ZIM2: variants seen among roughly 807,000 people sequenced by gnomAD.
The protein encoded by ZIM2 is zinc finger imprinted 2, also known as zinc finger protein 656.
A neutral mutation model predicts 38.6 loss-of-function variants in ZIM2; 14 were observed. That is an observed-to-expected ratio of 0.36 (90% CI 0.24 to 0.57). The LOEUF is 0.57. Among genes scored for constraint, ZIM2 ranks in the 20% least tolerant of loss-of-function variants. ZIM2 has a pLI of 0.81. For missense variants in ZIM2, 680 were observed against 695.1 expected, an observed-to-expected ratio of 0.98 and a Z score of 0.24; for synonymous variants, 247 against 245.8, an observed-to-expected ratio of 1.00 and a Z score of -0.04.
intron 9 of ZIM2, chr19:56,793,148 CCTT>C: frequency 6.5e-6 from 1 of 152,770 alleles, no homozygotes; most frequent in Admixed American, 6.5e-5. Context: ...ATCATCTGCT[CCTT>C]GGTGAGGATC....
At chr19:56,785,849 C>CT (rs1459591613) in intron 10 of ZIM2, among the ~76,000 whole-genome samples, 4 of 152,106 alleles carry the variant, frequency 2.6e-5, no homozygotes, top group Admixed American at 1.3e-4. Context: ...TGCTGTATGT[C>CT]TATTTTTTTA....
intron 1 of ZIM2, among the ~76,000 whole-genome samples, chr19:56,839,822 G>C (rs2062765972): frequency 6.6e-6 from 1 of 151,866 alleles, no homozygotes; most frequent in African/African-American, 2.4e-5. Flanking sequence ...GCACCCAGTG[G>C]GTGGGGCTTG....
intron 9 of ZIM2, chr19:56,812,493 T>C (rs1272050721): frequency 2.0e-6 from 2 of 985,236 alleles, no homozygotes; most frequent in African/African-American, 1.7e-5. Flanking sequence ...AAGTTAGCGA[T>C]AGAAAGATCT....
chr19:56,815,685 A>T (rs1466401779), intron 9 of ZIM2: 1 of 1,614,184 alleles, frequency 6.2e-7, no homozygotes, highest in Admixed American at 1.7e-5. Context: ...AGAATTCGCC[A>T]TCCTTCTTAA....
At position 56,824,307 on chromosome 19, in the gene ZIM2, G is replaced by C. The variant is rs776225813; in HGVS notation, c.-30C>G. 6.8e-6 allele frequency: 11 copies of C among 1,614,094 alleles called. No individual in the cohort carries two copies. In the South Asian group the frequency reaches 8.8e-5, roughly 13 times the overall value. ...TTGTAATTCTCCAGCAGAGTGACGAGCTTCTCACAGTTCTCCGGCTTTTTT... is the reference window on the plus strand; with the variant it reads ...TTGTAATTCTCCAGCAGAGTGACGACCTTCTCACAGTTCTCCGGCTTTTTT... On this transcript the variant is annotated 5_prime_UTR_variant, in exon 4 of 13. Coordinates refer to ENST00000629319, the MANE Select transcript of ZIM2 (RefSeq NM_001387356.1).
chr19:56,822,116 T>TC (rs1174735924), intron 6 of ZIM2, among the ~76,000 whole-genome samples: 5 of 152,128 alleles, frequency 3.3e-5, no homozygotes, highest in African/African-American at 1.2e-4. Flanking sequence ...TCAGAGACCG[T>TC]CCCACAGGGT....
At chr19:56,812,376 G>T (rs1034739565) in intron 9 of ZIM2, 16 of 984,504 alleles carry the variant, frequency 1.6e-5, no homozygotes, top group Non-Finnish European at 1.8e-5. Flanking sequence ...TAAGGCTGCT[G>T]GGGAACCTGA....
intron 1 of ZIM2, among the ~76,000 whole-genome samples, chr19:56,836,364 C>A (rs1449566043): frequency 6.6e-6 from 1 of 152,196 alleles, no homozygotes; most frequent in Non-Finnish European, 1.5e-5. Flanking sequence ...GGGTGTCTTA[C>A]AACCTTCTCT....
chr19:56,774,564 C>A lies in ZIM2; in HGVS notation c.*124G>T. On this transcript the variant is annotated 3_prime_UTR_variant, in exon 13 of 13. Coordinates refer to ENST00000629319, the MANE Select transcript of ZIM2 (RefSeq NM_001387356.1). ...ATTGCAACTTTTTTTTTTTTTTTAC[C>A]ACACTTTGATGAATGTTCAAGTTGT... is the stretch of plus-strand genomic sequence containing the variant. 6 of 1,351,082 alleles carry A rather than the reference C, an allele frequency of 4.4e-6. No homozygotes were observed. Among genetic ancestry groups the A allele is most frequent in the African/African-American group, 3.0e-5 (2 of 67,594 alleles). The allele number at this position is 1,351,082 out of a possible 1,614,324, so 83.7% of individuals were successfully genotyped here.
At chr19:56,788,824 T>C (rs902210146) in intron 10 of ZIM2, among the ~76,000 whole-genome samples, 6 of 152,176 alleles carry the variant, frequency 3.9e-5, no homozygotes, top group African/African-American at 1.2e-4. Flanking sequence ...TAGTCCCATA[T>C]TTCTTGGAGG....
At chr19:56,792,292 C>T (rs1423462206) in intron 9 of ZIM2, among the ~76,000 whole-genome samples, 1 of 151,722 alleles carries the variant, frequency 6.6e-6, no homozygotes, top group Non-Finnish European at 1.5e-5. Context: ...TTTTGGGAGG[C>T]TGAGGTGATC....
intron 2 of ZIM2, among the ~76,000 whole-genome samples, chr19:56,832,756 G>A (rs576965085): frequency 3.9e-5 from 6 of 152,234 alleles, no homozygotes; most frequent in African/African-American, 9.6e-5. Flanking sequence ...GGAGTCTGGC[G>A]TTCTTTGATC....
intron 9 of ZIM2, chr19:56,811,056 CAAGAT>C (rs1046853876): frequency 5.4e-5 from 53 of 976,882 alleles, no homozygotes; most frequent in East Asian, 2.3e-4. Flanking sequence ...CAAGAATGAA[CAAGAT>C]AAGAGGAGAG....
At chr19:56,790,360 G>A (rs542296712) in intron 9 of ZIM2, among the ~76,000 whole-genome samples, 2 of 152,126 alleles carry the variant, frequency 1.3e-5, no homozygotes, top group Admixed American at 6.6e-5. Flanking sequence ...GTCAATTGGG[G>A]GTCAAAAATA....
chr19:56,811,689 T>C (rs1245667194), intron 9 of ZIM2: 33 of 985,398 alleles, frequency 3.3e-5, no homozygotes, highest in Admixed American at 6.2e-5. Flanking sequence ...CCTTTTCCCA[T>C]GTAGTAAACC....
intron 9 of ZIM2, chr19:56,798,814 C>T (rs1248326867): frequency 1.3e-5 from 2 of 152,082 alleles, no homozygotes; most frequent in Non-Finnish European, 2.9e-5. Context: ...TGGACAGACA[C>T]TTCTCAAAAG....
At chr19:56,829,153 C>A (rs1245259468) in intron 2 of ZIM2, among the ~76,000 whole-genome samples, 1 of 151,980 alleles carries the variant, frequency 6.6e-6, no homozygotes, top group East Asian at 1.9e-4. Flanking sequence ...GAGTTCGAGA[C>A]CAGCCTGGCC....
intron 9 of ZIM2, chr19:56,813,028 G>A: frequency 1.0e-6 from 1 of 985,540 alleles, no homozygotes; most frequent in Non-Finnish European, 1.2e-6. Flanking sequence ...AAACAGTAAG[G>A]AGTAAAAGCC....
intron 3 of ZIM2, chr19:56,824,726 G>C: frequency 2.1e-6 from 3 of 1,418,656 alleles, no homozygotes; most frequent in South Asian, 2.6e-5. Context: ...GCCTGTGACC[G>C]TCAGTACTCA....
Sources: allele counts gnomAD v4.1 joint callset (sites outside exome capture counted in the v4.1 genomes callset), GRCh38; gene constraint gnomAD v4.1.1; transcripts MANE v1.5; gene names NCBI Gene and HGNC (gene_info 2026-07-23, HGNC 2026-07-21).